The following SNAPC1 variants were observed in gnomAD, a reference collection of about 807,000 sequenced individuals.
The protein encoded by SNAPC1 is snRNA-activating protein complex subunit 1.
In SNAPC1, 42 loss-of-function variants were observed where a neutral mutation model predicts 50.1. That is an observed-to-expected ratio of 0.84 (90% CI 0.65 to 1.08). SNAPC1 has a LOEUF of 1.08. SNAPC1 is among the 50% of genes least tolerant of loss of function. The pLI, the probability that SNAPC1 is intolerant of heterozygous loss-of-function variation, is 0.00. For synonymous variants in SNAPC1, 164 were observed against 144.2 expected (o/e 1.14, Z -0.98); for missense variants, 477 against 427.3 (o/e 1.12, Z -1.02).
In SNAPC1 at chr14:61,774,660, T is replaced by C. The variant is rs1055623693; in HGVS notation, c.535-1435T>C. Among the ~76,000 whole-genome samples the C allele has an allele frequency of 8.8e-3, 1,240 of 141,172 alleles. 20 individuals are homozygous for C. The highest frequency in any genetic ancestry group is 0.029 in the Middle Eastern group (8 of 276). 92.6% of individuals were successfully genotyped at this position (141,172 alleles called of 152,430 possible). ...TGATCAGTTTCTCATTTTTTTTTTT[T>C]TTTTTTTTTTTTTTTTTTGAGAGGC... On this transcript the variant is annotated intron_variant, in intron 4 of 9. Coordinates refer to ENST00000216294, the MANE Select transcript of SNAPC1 (RefSeq NM_003082.4).
At chr14:61,770,234 CTTTT>C (rs72091048) in intron 4 of SNAPC1, among the ~76,000 whole-genome samples, 1 of 133,958 alleles carries the variant, frequency 7.5e-6, no homozygotes, top group Non-Finnish European at 1.6e-5. Flanking sequence ...CCCCCATGTT[CTTTT>C]TTTTTTTTTT....
rs376129646 is a variant in SNAPC1, at chr14:61,775,515, A to C, written c.535-580A>C. Among the ~76,000 whole-genome samples, 13 of 152,100 alleles carry C rather than the reference A, an allele frequency of 8.5e-5. No homozygotes were observed. The East Asian group carries it at 2.5e-3, about 29-fold the overall frequency. ...GTGATTCTCCCACCTTGGCCTCCCA[A>C]AGTGCTGGGATTATAGGTGTGAGCC... is the stretch of plus-strand genomic sequence containing the variant. On this transcript the variant is annotated intron_variant, in intron 4 of 9. Transcript: ENST00000216294.
At chr14:61,782,185 C>G in intron 7 of SNAPC1, 62 bp from the exon 8 acceptor site, 1 of 1,248,830 alleles carries the variant, frequency 8.0e-7, no homozygotes, top group Non-Finnish European at 1.1e-6. Context: ...TTGTCTTCCT[C>G]TCAATTTTAT....
chr14:61,770,532 C>A (rs2044980960), intron 4 of SNAPC1, among the ~76,000 whole-genome samples: 1 of 152,140 alleles, frequency 6.6e-6, no homozygotes, highest in East Asian at 1.9e-4. Flanking sequence ...GTGTGAGCCA[C>A]TGTGCCCGGT....
chr14:61,766,418 G>A (rs2044949055), intron 1 of SNAPC1, among the ~76,000 whole-genome samples: 1 of 152,186 alleles, frequency 6.6e-6, no homozygotes, highest in African/African-American at 2.4e-5. Flanking sequence ...TTTGTTCAGT[G>A]TAGCAAAACT....
intron 8 of SNAPC1, among the ~76,000 whole-genome samples, chr14:61,785,750 G>A (rs1468665058): frequency 6.6e-6 from 1 of 152,126 alleles, no homozygotes; most frequent in Non-Finnish European, 1.5e-5. Context: ...GTCTTTGATG[G>A]CCTTCCACCT....
At chr14:61,780,887 T>TC (rs562799987) in intron 7 of SNAPC1, among the ~76,000 whole-genome samples, 18,956 of 150,518 alleles carry the variant, frequency 0.13, 1,367 homozygotes, top group Non-Finnish European at 0.16. Flanking sequence ...TGAAAATATT[T>TC]GAAAAAAAAA....
chr14:61,770,684 T>A (rs2044982151), intron 4 of SNAPC1, among the ~76,000 whole-genome samples: 1 of 152,154 alleles, frequency 6.6e-6, no homozygotes. Flanking sequence ...CTGGAGATGG[T>A]CCATGTCCCT....
chr14:61,775,274 A>G (rs1594646405), intron 4 of SNAPC1, among the ~76,000 whole-genome samples: 1 of 150,342 alleles, frequency 6.7e-6, no homozygotes, highest in African/African-American at 2.5e-5. Flanking sequence ...TTTTCTTGAG[A>G]TGGAGTCTTG....
chr14:61,767,393 A>G (rs776979093), intron 3 of SNAPC1, 41 bp downstream of exon 3: 5 of 1,275,256 alleles, frequency 3.9e-6, no homozygotes, highest in South Asian at 4.4e-5. Context: ...AAAATGAGCA[A>G]TTATACTTTA....
intron 5 of SNAPC1, among the ~76,000 whole-genome samples, chr14:61,776,621 A>C (rs1285476611): frequency 1.3e-5 from 2 of 152,136 alleles, no homozygotes; most frequent in African/African-American, 4.8e-5. Flanking sequence ...CACTGTTTAA[A>C]ATTTTTGAGT....
At chr14:61,782,628 G>A (rs2045084537) in intron 8 of SNAPC1, among the ~76,000 whole-genome samples, 1 of 152,200 alleles carries the variant, frequency 6.6e-6, no homozygotes, top group Admixed American at 6.5e-5. Context: ...ATTTTGGCCT[G>A]GCCGGGTGCT....
Position 61,784,973 on chromosome 14 carries a change from A to G in SNAPC1, c.976+2576A>G, listed in dbSNP as rs546640977. Among the ~76,000 whole-genome samples the G allele has an allele frequency of 9.1e-4, 139 of 152,348 alleles. 1 individual carries two copies. Among genetic ancestry groups the G allele is most frequent in the African/African-American group, 3.2e-3 (131 of 41,580 alleles). On this transcript the variant is annotated intron_variant, in intron 8 of 9. Transcript: ENST00000216294. ...AAGAGAATTTGCTGAAAAATAATTA[A>G]GAACAAAAATTTAGGGAGGTAAGGG...
intron 1 of SNAPC1, among the ~76,000 whole-genome samples, chr14:61,763,036 G>C (rs1428998361): frequency 8.2e-6 from 1 of 122,502 alleles, no homozygotes; most frequent in Non-Finnish European, 1.6e-5. Flanking sequence ...TGTCGCCCAG[G>C]CTGGAGTGCA....
rs982789893 is a variant in SNAPC1, at chr14:61,796,362, C to T, written c.*1379C>T. On this transcript the variant is annotated 3_prime_UTR_variant, in exon 10 of 10. Transcript: ENST00000216294. ...GGGTTGAAGATCAAATTCGTGATAT[C>T]TCTATATCTAATCTTTAAAAATCAG... The T allele has an allele frequency of 4.6e-5, 7 of 151,936 alleles. No individual in the cohort carries two copies. Among genetic ancestry groups the T allele is most frequent in the Non-Finnish European group, 8.8e-5 (6 of 68,000 alleles). The allele number at this position is 151,936 out of a possible 1,614,324, so 9.4% of individuals were successfully genotyped here.
chr14:61,779,913 T>G (rs546186772), intron 7 of SNAPC1, among the ~76,000 whole-genome samples: 1 of 152,254 alleles, frequency 6.6e-6, no homozygotes, highest in Admixed American at 6.5e-5. Flanking sequence ...TTCTCCATGT[T>G]CACCAGGCTG....
chr14:61,792,818 AAT>A lies in SNAPC1; in HGVS notation c.992_993del (p.Ile331ThrfsTer5). 6.5e-7 allele frequency: 1 copy of A among 1,548,284 alleles called. No homozygotes were observed. The highest frequency in any genetic ancestry group is 8.8e-7 in the Non-Finnish European group (1 of 1,132,134). ...CTAAATATTTCTAGGCAATGTGCAG[AAT>A]ATACACAAGGAAGATAAACCTTTAA... ...MSLRNKGNVQNIHKEDKPLSL... is the reference protein window; with the variant it reads ...MSLRNKGNVQXIHKEDKPLSL... On this transcript the variant is annotated frameshift_variant, in exon 9 of 10. Transcript: ENST00000216294. LOFTEE classifies it high-confidence loss of function.
chr14:61,789,811 CTT>C (rs1379457541), intron 8 of SNAPC1, among the ~76,000 whole-genome samples: 1 of 152,120 alleles, frequency 6.6e-6, no homozygotes, highest in Non-Finnish European at 1.5e-5. Flanking sequence ...TCAGCTGAAA[CTT>C]TTGAGCAAGA....
At chr14:61,786,183 A>G (rs1171285522) in intron 8 of SNAPC1, among the ~76,000 whole-genome samples, 1 of 152,242 alleles carries the variant, frequency 6.6e-6, no homozygotes, top group Non-Finnish European at 1.5e-5. Context: ...AACCTAAATT[A>G]TAAAACTTGT....
Sources: gnomAD v4.1 joint callset for allele counts (sites outside exome capture counted in the v4.1 genomes callset) on GRCh38, gnomAD v4.1.1 for gene constraint, MANE v1.5 for transcripts, NCBI Gene and HGNC (gene_info 2026-07-23, HGNC 2026-07-21) for gene names.